The following RILPL2 variants were observed in gnomAD, a reference collection of about 807,000 sequenced individuals.
RILPL2 encodes the protein RILP-like protein 2.
A neutral mutation model predicts 22.2 loss-of-function variants in RILPL2; 19 were observed. The ratio of observed to expected loss-of-function variants is 0.86; its 90% CI spans 0.60 to 1.25. RILPL2 has a LOEUF of 1.25. RILPL2 is among the 50% of genes most tolerant of loss of function. The probability of loss-of-function intolerance (pLI) is 0.00; values close to 1 mark genes in which losing one functional copy is unlikely to be tolerated. For synonymous variants in RILPL2, 123 were observed against 111.6 expected (o/e 1.10, Z -0.64); for missense variants, 243 against 263.6 (o/e 0.92, Z 0.54).
intron 2 of RILPL2, among the ~76,000 whole-genome samples, chr12:123,427,567 C>A (rs1315698411): frequency 6.6e-6 from 1 of 150,804 alleles, no homozygotes; most frequent in Non-Finnish European, 1.5e-5. Flanking sequence ...TTTTGAGATA[C>A]AGTCTCGCTC....
rs374364305 is a variant in RILPL2, at chr12:123,429,613, C to T, written c.491+895G>A. 1.4e-3 allele frequency among the ~76,000 whole-genome samples: 201 copies of T among 143,282 alleles called. 3 individuals carry two copies. The highest frequency in any genetic ancestry group is 4.6e-3 in the African/African-American group (185 of 39,920). The allele number at this position is 143,282 out of a possible 152,430, so 94.0% of individuals were successfully genotyped here. ...CAGTCGTTTTTATTTTGTTTTGTTT[C>T]GTTTTTTTTTTGAGACACAGTCTTG... On this transcript the variant is annotated intron_variant, in intron 2 of 3. Transcript: ENST00000280571.
chr12:123,416,106 C>T (rs1301782427), intron 3 of RILPL2, among the ~76,000 whole-genome samples, 185 bp from the exon 4 acceptor site: 1 of 151,808 alleles, frequency 6.6e-6, no homozygotes, highest in South Asian at 2.1e-4. Flanking sequence ...ATGAGGATCA[C>T]TTGATCCCAG....
chr12:123,433,200 G>T (rs374239931), intron 1 of RILPL2, among the ~76,000 whole-genome samples: 1 of 150,712 alleles, frequency 6.6e-6, no homozygotes, highest in Non-Finnish European at 1.5e-5. Context: ...TCTGCCTCCC[G>T]GGTTCAAGCA....
At chr12:123,422,464 C>T (rs1046681383) in intron 3 of RILPL2, among the ~76,000 whole-genome samples, 4 of 152,102 alleles carry the variant, frequency 2.6e-5, no homozygotes, top group East Asian at 1.9e-4. Context: ...TGCAGTGATC[C>T]GAGATTGCAC....
Position 123,415,567 on chromosome 12 carries a change from T to G in RILPL2, c.*324A>C. 2.7e-6 allele frequency: 1 copy of G among 376,898 alleles called. No individual in the cohort carries two copies. The highest frequency in any genetic ancestry group is 4.7e-5 in the South Asian group (1 of 21,156). The allele number at this position is 376,898 out of a possible 1,614,324, so 23.3% of individuals were successfully genotyped here. A position where few individuals can be genotyped will look rare whatever the true frequency, so the allele number is the denominator to read the frequency against. ...GACCAGGGTCATCCGTGGGAGCAGATGAGTAGGACACGCGTCTGCACGCTG... is the reference window on the plus strand; with the variant it reads ...GACCAGGGTCATCCGTGGGAGCAGAGGAGTAGGACACGCGTCTGCACGCTG... On this transcript the variant is annotated 3_prime_UTR_variant, in exon 4 of 4. Transcript: ENST00000280571.
intron 3 of RILPL2, among the ~76,000 whole-genome samples, chr12:123,419,073 C>T (rs1337792654): frequency 3.4e-5 from 5 of 148,602 alleles, no homozygotes; most frequent in Admixed American, 1.4e-4. Flanking sequence ...TGCAGTGGCA[C>T]GATCTCGGCT....
intron 1 of RILPL2, among the ~76,000 whole-genome samples, chr12:123,430,895 T>C (rs1879626238): frequency 1.3e-5 from 2 of 152,106 alleles, no homozygotes. Context: ...GATGGGGTTT[T>C]GCCTTGTTGG....
rs146234475 is a variant in RILPL2, at chr12:123,417,171, C to T, written c.606-1250G>A. The stretch of plus-strand genomic sequence containing the variant: ...AAAATTAGCTGGGCATGATGGTGAA[C>T]ACCTGTGGTCCCAGCTACTCGGGAG... On this transcript the variant is annotated intron_variant, in intron 3 of 3. Coordinates refer to ENST00000280571, the MANE Select transcript of RILPL2 (RefSeq NM_145058.3). Among the ~76,000 whole-genome samples the T allele has an allele frequency of 1.6e-3, 241 of 151,898 alleles. 2 individuals are homozygous for T. Among genetic ancestry groups the T allele is most frequent in the African/African-American group, 5.3e-3 (221 of 41,442 alleles).
chr12:123,417,653 C>T (rs1252717550), intron 3 of RILPL2, among the ~76,000 whole-genome samples: 3 of 152,238 alleles, frequency 2.0e-5, no homozygotes, highest in South Asian at 2.1e-4. Context: ...GGCACGATCT[C>T]GGCTCACGGC....
intron 2 of RILPL2, among the ~76,000 whole-genome samples, chr12:123,427,743 C>T (rs2139245611): frequency 6.6e-6 from 1 of 152,184 alleles, no homozygotes; most frequent in East Asian, 1.9e-4. Context: ...CGGAGTTTCA[C>T]CATGTTGCCC....
rs186010807 is a variant in RILPL2 at position 123,415,745 on chromosome 12, C to T, written c.*146G>A. 28 of 810,382 alleles carry T rather than the reference C, an allele frequency of 3.5e-5. No homozygotes were observed. Among genetic ancestry groups the T allele is most frequent in the East Asian group, 1.2e-4 (5 of 40,940 alleles). 50.2% of individuals were successfully genotyped at this position (810,382 alleles called of 1,614,324 possible). A position where few individuals can be genotyped will look rare whatever the true frequency, so the allele number is the denominator to read the frequency against. On this transcript the variant is annotated 3_prime_UTR_variant, in exon 4 of 4. Transcript: ENST00000280571. ...GGAGAAAGTGATGCCAAGAGAACCT[C>T]GTCTCCTCCCTCCTCAGTCTGCTTT...
At chr12:123,413,202 C>CG (rs1879020797), downstream of RILPL2, 1 of 164,164 alleles carries the variant, frequency 6.1e-6, no homozygotes, top group Non-Finnish European at 1.3e-5. Flanking sequence ...TCCCCACCAC[C>CG]CCCCAAAAAA....
At chr12:123,433,104 CTT>C (rs372639257) in intron 1 of RILPL2, among the ~76,000 whole-genome samples, 11 of 134,232 alleles carry the variant, frequency 8.2e-5, no homozygotes, top group Admixed American at 1.5e-4. Flanking sequence ...GGTTTGTATA[CTT>C]TTTTTTTTTT....
rs1473355128 is a variant in RILPL2, at chr12:123,415,797, G to A, written c.*94C>T. ...AAGGGGAAATAAATACACAGGCCTA[G>A]TGTGTCTGTGTGGCACAGGGAGGTG... On this transcript the variant is annotated 3_prime_UTR_variant, in exon 4 of 4. Transcript: ENST00000280571. 1.4e-5 allele frequency: 16 copies of A among 1,166,434 alleles called. No homozygotes were observed. The Admixed American group carries it at 2.4e-4, about 17-fold the overall frequency. 72.3% of individuals were successfully genotyped at this position (1,166,434 alleles called of 1,614,324 possible). A position where few individuals can be genotyped will look rare whatever the true frequency, so the allele number is the denominator to read the frequency against.
intron 3 of RILPL2, among the ~76,000 whole-genome samples, chr12:123,420,414 C>T (rs1366809297): frequency 1.3e-5 from 2 of 151,688 alleles, no homozygotes; most frequent in African/African-American, 4.8e-5. Context: ...CTTGGGATTA[C>T]AGGCGTAAGC....
intron 2 of RILPL2, 31 bp from the exon 3 acceptor site, chr12:123,423,188 A>C: frequency 9.3e-7 from 1 of 1,070,230 alleles, no homozygotes; most frequent in Admixed American, 2.3e-5. Context: ...TAAATGGATT[A>C]TTTTATTACA....
At position 123,430,549 on chromosome 12, in the gene RILPL2, C is replaced by T. The variant is rs745877554; in HGVS notation, c.450G>A (p.Ser150=). The T allele has an allele frequency of 1.8e-5, 29 of 1,611,682 alleles. No homozygotes were observed. The Admixed American group carries it at 2.8e-4, about 16-fold the overall frequency. Residue 150 remains serine (S), a synonymous_variant, in exon 2 of 4, where the codon TCG becomes TCA. Transcript: ENST00000280571. Reference sequence around the variant, plus strand: ...GCTCTTCCTGCACCACCAGGAGCTGCGACTTGAGTTTGTTGCGTTCCTGCA... The same window carrying T: ...GCTCTTCCTGCACCACCAGGAGCTGTGACTTGAGTTTGTTGCGTTCCTGCA... ...DVLQERNKLK[S]QLLVVQEELQ... is the part of the protein sequence containing the mutation.
chr12:123,420,497 T>C (rs911401104), intron 3 of RILPL2, among the ~76,000 whole-genome samples: 1 of 151,336 alleles, frequency 6.6e-6, no homozygotes, highest in African/African-American at 2.4e-5. Flanking sequence ...AGTGCAGTGG[T>C]GCAATCTCAG....
At position 123,416,974 on chromosome 12, in the gene RILPL2, T is replaced by G. The variant is rs1181457565; in HGVS notation, c.606-1053A>C. Among the ~76,000 whole-genome samples, 6 of 152,220 alleles carry G rather than the reference T, an allele frequency of 3.9e-5. No individual in the cohort carries two copies. In the South Asian group the frequency reaches 6.2e-4, roughly 16 times the overall value. ...TGGGTGGAGGTGCTCTTTCATTATC[T>G]TACCTCAGAAGACCCTTCCTTGTGG... On this transcript the variant is annotated intron_variant, in intron 3 of 3. Transcript: ENST00000280571.
Sources: allele counts gnomAD v4.1 joint callset (sites outside exome capture counted in the v4.1 genomes callset), GRCh38; gene constraint gnomAD v4.1.1; transcripts MANE v1.5; gene names NCBI Gene and HGNC (gene_info 2026-07-23, HGNC 2026-07-21).